OSBP2: variants seen among roughly 807,000 people sequenced by gnomAD.
OSBP2 encodes the protein oxysterol-binding protein 2.
Under a neutral mutation model 96.0 loss-of-function variants are expected in OSBP2, and 66 were observed. That is an observed-to-expected ratio of 0.69 (90% confidence interval 0.56 to 0.84). The LOEUF (loss-of-function observed/expected upper bound fraction) is 0.84, where lower values mean the gene tolerates loss of function less well. OSBP2 is among the 40% of genes least tolerant of loss of function. The pLI, the probability that OSBP2 is intolerant of heterozygous loss-of-function variation, is 0.00. For missense variants in OSBP2, 1,038 were observed against 1,222.7 expected (o/e 0.85, Z 2.25); for synonymous variants, 525 against 520.9 (o/e 1.01, Z -0.11).
intron 12 of OSBP2, among the ~76,000 whole-genome samples, chr22:30,898,684 A>G (rs1336582935): frequency 1.3e-5 from 2 of 151,942 alleles, no homozygotes; most frequent in Non-Finnish European, 2.9e-5. Flanking sequence ...CCATGGTCCA[A>G]TCACCTCCCA....
chr22:30,832,665 G>A (rs1489223555), intron 2 of OSBP2, among the ~76,000 whole-genome samples: 1 of 152,190 alleles, frequency 6.6e-6, no homozygotes, highest in Non-Finnish European at 1.5e-5. Context: ...GGAAATGCCA[G>A]GCTCTTTCTG....
chr22:30,828,227 T>C (rs2038444756), intron 2 of OSBP2, among the ~76,000 whole-genome samples: 1 of 152,208 alleles, frequency 6.6e-6, no homozygotes, highest in African/African-American at 2.4e-5. Flanking sequence ...CAGTAAATGG[T>C]AAAAGAAGAC....
intron 1 of OSBP2, among the ~76,000 whole-genome samples, chr22:30,696,130 C>T (rs1470861433): frequency 2.6e-5 from 4 of 152,114 alleles, no homozygotes; most frequent in South Asian, 2.1e-4. Context: ...TGGCATTTTG[C>T]GGAGAGCTAG....
At chr22:30,904,925 C>T (rs2040295378) in intron 12 of OSBP2, among the ~76,000 whole-genome samples, 1 of 152,118 alleles carries the variant, frequency 6.6e-6, no homozygotes, top group South Asian at 2.1e-4. Context: ...CAATTGAGGT[C>T]AGGGGTTCAA....
At chr22:30,818,472 A>G (rs1421435652) in intron 2 of OSBP2, among the ~76,000 whole-genome samples, 1 of 152,162 alleles carries the variant, frequency 6.6e-6, no homozygotes, top group Non-Finnish European at 1.5e-5. Flanking sequence ...AGTCCAGTTC[A>G]TCTTACTGGG....
chr22:30,719,011 A>G (rs2089504460), intron 1 of OSBP2, among the ~76,000 whole-genome samples: 2 of 152,172 alleles, frequency 1.3e-5, no homozygotes, highest in African/African-American at 4.8e-5. Context: ...CTTCTTTTGA[A>G]TCCTGCAGTT....
At chr22:30,899,118 T>G (rs2040133055) in intron 12 of OSBP2, among the ~76,000 whole-genome samples, 1 of 152,018 alleles carries the variant, frequency 6.6e-6, no homozygotes, top group African/African-American at 2.4e-5. Flanking sequence ...CAGTGGCTCA[T>G]GCTTATAATC....
chr22:30,787,135 A>C (rs1015261386), intron 2 of OSBP2, among the ~76,000 whole-genome samples: 1 of 152,136 alleles, frequency 6.6e-6, no homozygotes, highest in Non-Finnish European at 1.5e-5. Flanking sequence ...CACCTGTGTT[A>C]GTCCGTTCTC....
At position 30,870,834 on chromosome 22, in the gene OSBP2, C is replaced by T; in HGVS notation, c.1107+152C>T. 1.3e-6 allele frequency: 1 copy of T among 767,836 alleles called. No homozygotes were observed. Among genetic ancestry groups the T allele is most frequent in the Non-Finnish European group, 2.1e-6 (1 of 486,276 alleles). 47.6% of individuals were successfully genotyped at this position (767,836 alleles called of 1,614,324 possible). A position where few individuals can be genotyped will look rare whatever the true frequency, so the allele number is the denominator to read the frequency against. Reference sequence around the variant, plus strand: ...AAAGCCAGCGCCCCCCAGCTAGCTTCCGAGTTCTTAAATCATCTCCTTCAC... The same window carrying T: ...AAAGCCAGCGCCCCCCAGCTAGCTTTCGAGTTCTTAAATCATCTCCTTCAC... On this transcript the variant is annotated intron_variant, in intron 3 of 13. Coordinates refer to ENST00000332585, the MANE Select transcript of OSBP2 (RefSeq NM_030758.4). The surrounding 1 kb of genome is among the most constrained non-coding windows in gnomAD (Gnocchi z 4.1).
At chr22:30,873,494 G>A (rs755767101) in intron 3 of OSBP2, among the ~76,000 whole-genome samples, 5 of 152,128 alleles carry the variant, frequency 3.3e-5, no homozygotes, top group South Asian at 2.1e-4. Flanking sequence ...GCCACGCACC[G>A]CAGTCCCCAG....
chr22:30,865,765 G>T (rs1185393569), intron 2 of OSBP2, among the ~76,000 whole-genome samples: 1 of 152,140 alleles, frequency 6.6e-6, no homozygotes, highest in Admixed American at 6.5e-5. Context: ...ACACCGGGTG[G>T]TTACCATCCT....
chr22:30,843,357 T>C (rs1174505804), intron 2 of OSBP2, among the ~76,000 whole-genome samples: 1 of 152,042 alleles, frequency 6.6e-6, no homozygotes, highest in Non-Finnish European at 1.5e-5. Flanking sequence ...GCTCCCACAT[T>C]GTCCAGTATT....
At chr22:30,746,958 G>T (rs2090009615) in intron 2 of OSBP2, among the ~76,000 whole-genome samples, 1 of 152,120 alleles carries the variant, frequency 6.6e-6, no homozygotes, top group Non-Finnish European at 1.5e-5. Context: ...GTATTTAAAG[G>T]ACTATACACC....
At chr22:30,845,878 CAAAAAAAAA>C (rs544099138) in intron 2 of OSBP2, among the ~76,000 whole-genome samples, 1 of 70,590 alleles carries the variant, frequency 1.4e-5, no homozygotes, top group Non-Finnish European at 2.9e-5. Context: ...GAGACTCTCT[CAAAAAAAAA>C]AAAAAAAAAA....
chr22:30,906,122 G>A (rs760918468), intron 13 of OSBP2, 53 bp downstream of exon 13: 3 of 1,607,600 alleles, frequency 1.9e-6, no homozygotes, highest in South Asian at 1.1e-5. Flanking sequence ...GTGCCCGGGT[G>A]GGGGTGCCGC....
chr22:30,822,950 A>C (rs1393037402), intron 2 of OSBP2, among the ~76,000 whole-genome samples: 1 of 152,244 alleles, frequency 6.6e-6, no homozygotes, highest in African/African-American at 2.4e-5. Context: ...TTGTCCGTCT[A>C]ATTAACCTAT....
At chr22:30,872,475 C>A in intron 3 of OSBP2, 1 of 427,852 alleles carries the variant, frequency 2.3e-6, no homozygotes, top group Non-Finnish European at 4.7e-6. Context: ...TTTACGAAGC[C>A]ATCAGAACAG....
At chr22:30,864,977 C>T (rs1317990203) in intron 2 of OSBP2, among the ~76,000 whole-genome samples, 1 of 152,208 alleles carries the variant, frequency 6.6e-6, no homozygotes, top group African/African-American at 2.4e-5. Context: ...TCCCCCAGTC[C>T]ATAACCAGCC....
intron 1 of OSBP2, among the ~76,000 whole-genome samples, chr22:30,727,567 G>A (rs765751077): frequency 5.3e-5 from 8 of 152,084 alleles, no homozygotes; most frequent in Non-Finnish European, 7.4e-5. Context: ...ACCCCAGAGA[G>A]GACACTGATA....
Sources: allele counts gnomAD v4.1 joint callset (sites outside exome capture counted in the v4.1 genomes callset), GRCh38; gene constraint gnomAD v4.1.1; non-coding constraint Gnocchi (gnomAD v3.1); transcripts MANE v1.5; gene names NCBI Gene and HGNC (gene_info 2026-07-23, HGNC 2026-07-21).